The following FAM90A1 variants were observed in gnomAD, a reference collection of about 807,000 sequenced individuals.
FAM90A1 encodes the protein protein FAM90A1.
In FAM90A1, 10 loss-of-function variants were observed where a neutral mutation model predicts 14.8. The observed-to-expected ratio is 0.67, with a 90% CI of 0.42 to 1.14. FAM90A1 has a LOEUF of 1.14. Ranked by LOEUF, FAM90A1 falls within the 50% of genes most tolerant of loss-of-function variation. The probability of loss-of-function intolerance (pLI) is 0.00; values close to 1 mark genes in which losing one functional copy is unlikely to be tolerated. For synonymous variants in FAM90A1, 236 were observed against 248.4 expected (o/e 0.95, Z 0.47); for missense variants, 567 against 602.8 (o/e 0.94, Z 0.62).
chr12:8,223,269 C>A (rs1470355797), intron 6 of FAM90A1, among the ~76,000 whole-genome samples, 180 bp downstream of exon 6: 1 of 152,126 alleles, frequency 6.6e-6, no homozygotes, highest in Non-Finnish European at 1.5e-5. Context: ...ACAGGAAATA[C>A]GGCATCTTCA....
chr12:8,224,893 AACAC>A lies in FAM90A1; in HGVS notation c.-56-9_-56-6del. 1 of 1,567,706 alleles carries A rather than the reference AACAC, an allele frequency of 6.4e-7. No homozygotes were observed. Among genetic ancestry groups the A allele is most frequent in the East Asian group, 2.2e-5 (1 of 44,646 alleles). On this transcript the variant is annotated splice_region_variant and splice_polypyrimidine_tract_variant and intron_variant, in intron 3 of 6. Transcript: ENST00000538603. ...AGGGGTTGATTGTCGGGTCACCTGA[AACAC>A]ACACAAACACACACAAGTCGATGGT... is the stretch of plus-strand genomic sequence containing the variant.
In FAM90A1 at chr12:8,222,516, G is replaced by T. The variant is rs9668582; in HGVS notation, c.701C>A (p.Ala234Glu). The stretch of plus-strand genomic sequence containing the variant: ...CTGGGGAACTTCTCGACAGCCACCC[G>T]CAGGGCTGCTGTGTGTCGGCTTCAC... ...LVVKPTHSSP[A>E]GGCREVPQAA... Residue 234 changes from alanine to glutamate, a missense_variant, in exon 7 of 7, where the codon GCG (alanine) becomes GAG (glutamate). Ala to Glu is a moderately radical substitution (Grantham distance 107). Coordinates refer to ENST00000538603, the MANE Select transcript of FAM90A1 (RefSeq NM_018088.3). 0.16 allele frequency: 250,032 copies of T among 1,521,078 alleles called. 22,842 individuals are homozygous for T. The highest frequency in any genetic ancestry group is 0.47 in the East Asian group (20,356 of 43,606). The allele number at this position is 1,521,078 out of a possible 1,614,324, so 94.2% of individuals were successfully genotyped here.
At chr12:8,227,448 A>C in intron 1 of FAM90A1, 32 bp downstream of exon 1, 1 of 528,698 alleles carries the variant, frequency 1.9e-6, no homozygotes, top group Non-Finnish European at 3.3e-6. Context: ...GGGTCCACCC[A>C]GTGGGCGGTC....
In FAM90A1 at chr12:8,222,014, G is replaced by C. The variant is rs769810148; in HGVS notation, c.1203C>G (p.Asn401Lys). Residue 401 changes from asparagine (N) to lysine (K), a missense_variant, in exon 7 of 7, where the codon AAC becomes AAG. Asn to Lys is a moderately conservative substitution (Grantham distance 94). Transcript: ENST00000538603. ...PLRVLFRRLENGRWSSSLLTA... is the reference protein window; with the variant it reads ...PLRVLFRRLEKGRWSSSLLTA... ...TCAGCAGGCTGGAGCTCCAGCGTCC[G>C]TTTTCCAGTCTCCGAAAGAGCACTC... 20 of 1,600,142 alleles carry C rather than the reference G, an allele frequency of 1.2e-5. No homozygotes were observed. The highest frequency in any genetic ancestry group is 3.4e-6 in the Non-Finnish European group (4 of 1,179,900).
intron 5 of FAM90A1, 100 bp downstream of exon 5, chr12:8,223,916 T>C (rs757076477): frequency 1.6e-6 from 2 of 1,212,264 alleles, no homozygotes; most frequent in South Asian, 2.6e-5. Flanking sequence ...GTTCCTTCCC[T>C]GGCCCGGAGA....
In FAM90A1 at chr12:8,224,703, G is replaced by A. The variant is rs1477259799; in HGVS notation, c.123+7C>T. On this transcript the variant is annotated splice_region_variant and intron_variant, in intron 4 of 6. Transcript: ENST00000538603. The stretch of plus-strand genomic sequence containing the variant: ...CCAATACCCAAGAGATCCAGGGCTA[G>A]ACTTACCCTGGGATCTTCTTCATCG... 1.1e-5 allele frequency: 16 copies of A among 1,468,682 alleles called. No individual in the cohort carries two copies. The highest frequency in any genetic ancestry group is 1.5e-5 in the Non-Finnish European group (16 of 1,084,518). 91.0% of individuals were successfully genotyped at this position (1,468,682 alleles called of 1,614,324 possible). A position where few individuals can be genotyped will look rare whatever the true frequency, so the allele number is the denominator to read the frequency against.
At position 8,221,610 on chromosome 12, in the gene FAM90A1, C is replaced by G; in HGVS notation, c.*212G>C. On this transcript the variant is annotated 3_prime_UTR_variant, in exon 7 of 7. Transcript: ENST00000538603. The stretch of plus-strand genomic sequence containing the variant: ...CCTGGCGCGTTTCCAGAGAACCATG[C>G]GAACTACAATGTCCCTCACCAGAAT... 1.6e-6 allele frequency: 1 copy of G among 627,928 alleles called. No individual in the cohort carries two copies. The highest frequency in any genetic ancestry group is 2.7e-6 in the Non-Finnish European group (1 of 364,514). 38.9% of individuals were successfully genotyped at this position (627,928 alleles called of 1,614,324 possible).
In FAM90A1 at chr12:8,223,982, C is replaced by G. The variant is rs376003430; in HGVS notation, c.323+34G>C. Reference sequence around the variant, plus strand: ...ACACCATGTCCTTAGGAGGCAGTACCCTAAGAGTGGTGAAAACCACTCCCA... The same window carrying G: ...ACACCATGTCCTTAGGAGGCAGTACGCTAAGAGTGGTGAAAACCACTCCCA... On this transcript the variant is annotated intron_variant, in intron 5 of 6. Transcript: ENST00000538603. The G allele has an allele frequency of 4.3e-5, 68 of 1,594,338 alleles. No homozygotes were observed. The African/African-American group carries it at 8.9e-4, about 21-fold the overall frequency.
In FAM90A1 at chr12:8,221,580, C is replaced by T. The variant is rs1948821320; in HGVS notation, c.*242G>A. Reference sequence around the variant, plus strand: ...AGGCAACGAATCACTGGCACGGAAGCTTTTCCTGGCGCGTTTCCAGAGAAC... The same window carrying T: ...AGGCAACGAATCACTGGCACGGAAGTTTTTCCTGGCGCGTTTCCAGAGAAC... On this transcript the variant is annotated 3_prime_UTR_variant, in exon 7 of 7. Coordinates refer to ENST00000538603, the MANE Select transcript of FAM90A1 (RefSeq NM_018088.3). The T allele has an allele frequency of 3.4e-6, 2 of 582,222 alleles. No individual in the cohort carries two copies. 36.1% of individuals were successfully genotyped at this position (582,222 alleles called of 1,614,324 possible).
chr12:8,226,892 G>A (rs7306499), intron 1 of FAM90A1, among the ~76,000 whole-genome samples: 3,279 of 134,998 alleles, frequency 0.024, 131 homozygotes, highest in African/African-American at 0.086. Flanking sequence ...TGCAACCTCC[G>A]CGTCTCACAG....
chr12:8,221,784 G>A lies in FAM90A1; in HGVS notation c.*38C>T, dbSNP rs745352083. 12 of 1,563,600 alleles carry A rather than the reference G, an allele frequency of 7.7e-6. No individual in the cohort carries two copies. Among genetic ancestry groups the A allele is most frequent in the East Asian group, 2.2e-5 (1 of 44,702 alleles). Reference sequence around the variant, plus strand: ...AGTCCCACAGTCCCCTCCAAGTCACGGGAGCTGGAGGCCAAGGAGCCCCTG... The same window carrying A: ...AGTCCCACAGTCCCCTCCAAGTCACAGGAGCTGGAGGCCAAGGAGCCCCTG... On this transcript the variant is annotated 3_prime_UTR_variant, in exon 7 of 7. Transcript: ENST00000538603.
intron 4 of FAM90A1, 60 bp from the exon 5 acceptor site, chr12:8,224,275 C>T (rs1222361800): frequency 5.2e-5 from 71 of 1,360,932 alleles, no homozygotes; most frequent in East Asian, 6.9e-5. Context: ...ACCGATCCCA[C>T]GTCAACATTG....
At chr12:8,225,377 T>C (rs1253153889) in intron 3 of FAM90A1, among the ~76,000 whole-genome samples, 6 of 152,246 alleles carry the variant, frequency 3.9e-5, no homozygotes, top group South Asian at 2.1e-4. Flanking sequence ...CACAAATTCA[T>C]AGAGAGAAGT....
intron 1 of FAM90A1, among the ~76,000 whole-genome samples, 157 bp from the exon 2 acceptor site, chr12:8,226,635 C>T (rs936916221): frequency 1.1e-4 from 16 of 152,136 alleles, no homozygotes; most frequent in Non-Finnish European, 2.4e-4. Context: ...ATCCCCACTG[C>T]AGCTCTCTGC....
chr12:8,222,413 C>T lies in FAM90A1; in HGVS notation c.804G>A (p.Gln268=). 1 of 1,611,364 alleles carries T rather than the reference C, an allele frequency of 6.2e-7. No individual in the cohort carries two copies. The highest frequency in any genetic ancestry group is 8.5e-7 in the Non-Finnish European group (1 of 1,179,630). ...TGTGTGTGGCGGCTGGTGGGCAGGG[C>T]TGTGAGGTCACCGCAGGACGTTTGT... is the stretch of plus-strand genomic sequence containing the variant. ...AQDKRPAVTS[Q]PCPPAATHSL... is the part of the protein sequence containing the mutation. The change falls in exon 7 of 7, where the codon CAG becomes CAA. Residue 268 remains glutamine (Q), a synonymous_variant. Coordinates refer to ENST00000538603, the MANE Select transcript of FAM90A1 (RefSeq NM_018088.3).
At position 8,224,114 on chromosome 12, in the gene FAM90A1, T is replaced by C. The variant is rs778818851; in HGVS notation, c.225A>G (p.Glu75=). The C allele has an allele frequency of 6.2e-7, 1 of 1,612,080 alleles. No homozygotes were observed. The highest frequency in any genetic ancestry group is 2.2e-5 in the East Asian group (1 of 44,882). The change falls in exon 5 of 7, where the codon GAA becomes GAG. Residue 75 remains glutamate, a synonymous_variant. Coordinates refer to ENST00000538603, the MANE Select transcript of FAM90A1 (RefSeq NM_018088.3). ...KAALVPPNFG[E]KEGKENLKPW... ...GTTTCAGGTTTTCCTTCCCTTCCTT[T>C]TCCCCAAAGTTCGGTGGAACCAGGG...
intron 4 of FAM90A1, 52 bp from the exon 5 acceptor site, chr12:8,224,267 C>T (rs371619732): frequency 1.9e-4 from 266 of 1,411,956 alleles, no homozygotes; most frequent in Non-Finnish European, 2.3e-4. Context: ...CCACAGGCAC[C>T]GATCCCACGT....
chr12:8,227,545 G>A lies in FAM90A1; in HGVS notation c.-486C>T, dbSNP rs745801712. The A allele has an allele frequency of 9.5e-7, 1 of 1,054,638 alleles. No homozygotes were observed. The highest frequency in any genetic ancestry group is 1.6e-5 in the South Asian group (1 of 62,460). The allele number at this position is 1,054,638 out of a possible 1,614,324, so 65.3% of individuals were successfully genotyped here. The stretch of plus-strand genomic sequence containing the variant: ...GCAGGGCTATGCGTCAGGGGTCAGG[G>A]TGCACACATCCCTGCAGGTCTCGGG... On this transcript the variant is annotated 5_prime_UTR_variant, in exon 1 of 7. Transcript: ENST00000538603.
In FAM90A1 at chr12:8,224,120, A is replaced by C. The variant is rs1421156703; in HGVS notation, c.219T>G (p.Phe73Leu). ...CWKAALVPPN[F>L]GEKEGKENLK... The stretch of plus-strand genomic sequence containing the variant: ...GGTTTTCCTTCCCTTCCTTTTCCCC[A>C]AAGTTCGGTGGAACCAGGGCTGCCT... Residue 73 changes from phenylalanine (F) to leucine (L), a missense_variant, in exon 5 of 7, where the codon TTT becomes TTG. Phe to Leu is a conservative substitution (Grantham distance 22). Coordinates refer to ENST00000538603, the MANE Select transcript of FAM90A1 (RefSeq NM_018088.3). 1 of 1,612,014 alleles carries C rather than the reference A, an allele frequency of 6.2e-7. No individual in the cohort carries two copies. Among genetic ancestry groups the C allele is most frequent in the Admixed American group, 1.7e-5 (1 of 60,016 alleles).
Sources: allele counts gnomAD v4.1 joint callset (sites outside exome capture counted in the v4.1 genomes callset), GRCh38; gene constraint gnomAD v4.1.1; transcripts MANE v1.5; gene names NCBI Gene and HGNC (gene_info 2026-07-23, HGNC 2026-07-21).